Variants in SCAPER observed in about 807,000 individuals in gnomAD.
SCAPER encodes the protein S phase cyclin A-associated protein in the endoplasmic reticulum.
SCAPER carries 98 observed loss-of-function variants against 182.2 expected under a neutral mutation model. The ratio of observed to expected loss-of-function variants is 0.54; its 90% confidence interval spans 0.46 to 0.64. The LOEUF (loss-of-function observed/expected upper bound fraction) is 0.64, where lower values mean the gene tolerates loss of function less well. Ranked by LOEUF, SCAPER falls within the 30% of genes least tolerant of loss-of-function variation. The pLI, the probability that SCAPER is intolerant of heterozygous loss-of-function variation, is 0.00. For missense variants in SCAPER, 1,432 were observed against 1,690.0 expected (o/e 0.85, Z 2.68); for synonymous variants, 605 against 564.6 (o/e 1.07, Z -1.01).
At chr15:76,859,578 T>TA (rs1459532756) in intron 3 of SCAPER, among the ~76,000 whole-genome samples, 1 of 152,210 alleles carries the variant, frequency 6.6e-6, no homozygotes, top group East Asian at 1.9e-4. Flanking sequence ...ATTAAAAACT[T>TA]AGTCTTTAAT....
chr15:76,564,804 A>C (rs1424848678), intron 23 of SCAPER, among the ~76,000 whole-genome samples: 3 of 152,198 alleles, frequency 2.0e-5, no homozygotes, highest in Admixed American at 6.5e-5. Flanking sequence ...ACAGCATGGT[A>C]CTGGTACGAA....
chr15:76,558,627 G>A (rs1249410355), intron 23 of SCAPER, among the ~76,000 whole-genome samples: 1 of 152,184 alleles, frequency 6.6e-6, no homozygotes, highest in Non-Finnish European at 1.5e-5. Context: ...TGCTTTCTCA[G>A]AGAACTTAGA....
Position 76,760,415 on chromosome 15 carries a change from G to A in SCAPER, c.1725+4546C>T, listed in dbSNP as rs149162644. 2.6e-3 allele frequency among the ~76,000 whole-genome samples: 393 copies of A among 152,346 alleles called. 2 individuals are homozygous for A. The highest frequency in any genetic ancestry group is 6.8e-3 in the Middle Eastern group (2 of 294). ...AGATGGAAAAGATGCCTAAGGCAAA[G>A]TGTGAAGAAGGGACACGAAACTTAC... On this transcript the variant is annotated intron_variant, in intron 14 of 31. Coordinates refer to ENST00000563290, the MANE Select transcript of SCAPER (RefSeq NM_020843.4).
intron 26 of SCAPER, 71 bp from the exon 27 acceptor site, chr15:76,404,750 T>C: frequency 6.6e-7 from 1 of 1,508,504 alleles, no homozygotes; most frequent in African/African-American, 1.4e-5. Context: ...CAATGATAAA[T>C]GCTACCATAC....
At chr15:76,763,464 C>T (rs569004612) in intron 14 of SCAPER, among the ~76,000 whole-genome samples, 24 of 151,910 alleles carry the variant, frequency 1.6e-4, no homozygotes, top group Non-Finnish European at 3.2e-4. Context: ...TTGATGTAGA[C>T]TTCTTTAACT....
chr15:76,847,449 G>A (rs1394602885), intron 4 of SCAPER, among the ~76,000 whole-genome samples: 12 of 152,086 alleles, frequency 7.9e-5, no homozygotes, highest in Admixed American at 7.9e-4. Context: ...TAATTTAATT[G>A]TATAGTTTCA....
At chr15:76,410,351 C>T (rs2045200725) in intron 26 of SCAPER, among the ~76,000 whole-genome samples, 1 of 152,154 alleles carries the variant, frequency 6.6e-6, no homozygotes, top group African/African-American at 2.4e-5. Flanking sequence ...ACCTTAAGGA[C>T]CTCTTAACAT....
intron 20 of SCAPER, among the ~76,000 whole-genome samples, chr15:76,694,743 T>C (rs2058561953): frequency 6.6e-6 from 1 of 152,146 alleles, no homozygotes; most frequent in South Asian, 2.1e-4. Flanking sequence ...AGTCAGTTTA[T>C]ATATGAAGAT....
intron 1 of SCAPER, among the ~76,000 whole-genome samples, chr15:76,888,968 C>T (rs1247008565): frequency 6.6e-6 from 1 of 152,230 alleles, no homozygotes; most frequent in Non-Finnish European, 1.5e-5. Flanking sequence ...ATCAGACCAA[C>T]AGCAGATCTC....
chr15:76,628,133 G>A (rs1481859619), intron 21 of SCAPER, among the ~76,000 whole-genome samples: 1 of 151,996 alleles, frequency 6.6e-6, no homozygotes, highest in South Asian at 2.1e-4. Flanking sequence ...TTTTTAATGG[G>A]GTTTTCTTTC....
rs77340565 is a variant in SCAPER, at chr15:76,528,184, G to A, written c.2839-23210C>T. Among the ~76,000 whole-genome samples, 1,205 of 152,294 alleles carry A rather than the reference G, an allele frequency of 7.9e-3. 12 individuals carry two copies. The highest frequency in any genetic ancestry group is 0.027 in the African/African-American group (1,142 of 41,554). On this transcript the variant is annotated intron_variant, in intron 23 of 31. Transcript: ENST00000563290. Reference sequence around the variant, plus strand: ...TGGTGGGCAACTGAAAACAGGCAGTGGGCCAGATTTGGTCCATGGGCTATA... The same window carrying A: ...TGGTGGGCAACTGAAAACAGGCAGTAGGCCAGATTTGGTCCATGGGCTATA...
At chr15:76,358,223 G>C (rs374390494) in intron 29 of SCAPER, among the ~76,000 whole-genome samples, 174 of 152,362 alleles carry the variant, frequency 1.1e-3, no homozygotes, top group South Asian at 8.3e-3. Context: ...ACACAAGAGA[G>C]AGTACTTCAA....
intron 25 of SCAPER, among the ~76,000 whole-genome samples, chr15:76,462,828 G>C (rs374414335): frequency 2.9e-4 from 44 of 152,204 alleles, no homozygotes; most frequent in African/African-American, 1.0e-3. Context: ...TCCCTTAACT[G>C]TTCTCACCAA....
chr15:76,813,227 T>TAAAA lies in SCAPER; in HGVS notation c.394-8598_394-8595dup, dbSNP rs746891532. Among the ~76,000 whole-genome samples the TAAAA allele has an allele frequency of 7.6e-3, 131 of 17,188 alleles. 2 individuals carry two copies. The highest frequency in any genetic ancestry group is 0.014 in the African/African-American group (58 of 4,220). 11.3% of individuals were successfully genotyped at this position (17,188 alleles called of 152,430 possible). On this transcript the variant is annotated intron_variant, in intron 5 of 31. Coordinates refer to ENST00000563290, the MANE Select transcript of SCAPER (RefSeq NM_020843.4). ...CAGACAGAGTTCAATATCCTTTCAC[T>TAAAA]AAAAAAAAAAAAAAAAAAAAAAAAA...
chr15:76,676,351 T>C lies in SCAPER; in HGVS notation c.2509-10562A>G, dbSNP rs116190939. ...AATGCTGTTCGCTTCAAGTCATCTA[T>C]AGCTCCAGCCATCAAAAAGATGGAG... is the stretch of plus-strand genomic sequence containing the variant. On this transcript the variant is annotated intron_variant, in intron 20 of 31. Coordinates refer to ENST00000563290, the MANE Select transcript of SCAPER (RefSeq NM_020843.4). 2.5e-3 allele frequency among the ~76,000 whole-genome samples: 374 copies of C among 152,318 alleles called. 1 individual carries two copies. The highest frequency in any genetic ancestry group is 8.8e-3 in the African/African-American group (367 of 41,588).
intron 21 of SCAPER, among the ~76,000 whole-genome samples, chr15:76,637,760 G>A (rs866616068): frequency 0.033 from 4,103 of 125,228 alleles, 214 homozygotes; most frequent in African/African-American, 0.082. Context: ...GTGTGTGTGT[G>A]TGTGTGTGTG....
At position 76,459,045 on chromosome 15, in the gene SCAPER, C is replaced by G. The variant is rs116559905; in HGVS notation, c.3078+12167G>C. Among the ~76,000 whole-genome samples, 1,293 of 152,170 alleles carry G rather than the reference C, an allele frequency of 8.5e-3. 27 individuals carry two copies. Among genetic ancestry groups the G allele is most frequent in the African/African-American group, 0.03 (1,225 of 41,518 alleles). On this transcript the variant is annotated intron_variant, in intron 25 of 31. Coordinates refer to ENST00000563290, the MANE Select transcript of SCAPER (RefSeq NM_020843.4). ...AGGTAGCTGGGACTACAGGCATGTG[C>G]CACCATGCCTGGCAAATTCTTTTTT...
At chr15:76,830,708 T>C (rs1474247323) in intron 5 of SCAPER, among the ~76,000 whole-genome samples, 1 of 151,872 alleles carries the variant, frequency 6.6e-6, no homozygotes, top group Non-Finnish European at 1.5e-5. Context: ...AACTTTGTTT[T>C]ACCGGTTTAA....
At chr15:76,762,529 T>C (rs997314925) in intron 14 of SCAPER, among the ~76,000 whole-genome samples, 2 of 152,170 alleles carry the variant, frequency 1.3e-5, no homozygotes, top group Non-Finnish European at 2.9e-5. Context: ...CTCTGCACTT[T>C]TACCTACCAT....
Sources: allele counts gnomAD v4.1 joint callset (sites outside exome capture counted in the v4.1 genomes callset), GRCh38; gene constraint gnomAD v4.1.1; transcripts MANE v1.5; gene names NCBI Gene and HGNC (gene_info 2026-07-23, HGNC 2026-07-21).